Variants in INPP5F observed in about 807,000 individuals in gnomAD.
INPP5F encodes the protein phosphatidylinositide 4-phosphatase SAC2.
In INPP5F, 97 loss-of-function variants were observed where a neutral mutation model predicts 137.2. The observed-to-expected ratio is 0.71, with a 90% CI of 0.60 to 0.84. INPP5F has a LOEUF of 0.84. Ranked by LOEUF, INPP5F falls within the 40% of genes least tolerant of loss-of-function variation. INPP5F has a pLI of 0.00. For synonymous variants in INPP5F, 504 were observed against 476.9 expected, an observed-to-expected ratio of 1.06 and a Z score of -0.74; for missense variants, 1,271 against 1,371.9, an observed-to-expected ratio of 0.93 and a Z score of 1.16.
At chr10:119,742,998 G>GA (rs1564803083) in intron 1 of INPP5F, among the ~76,000 whole-genome samples, 2 of 151,992 alleles carry the variant, frequency 1.3e-5, no homozygotes, top group East Asian at 1.9e-4. Context: ...ATCTGGCTAA[G>GA]AAAAAAAGAA....
Position 119,827,185 on chromosome 10 carries a change from C to G in INPP5F, c.2804C>G (p.Ser935Cys). The change falls in exon 20 of 20, where the codon TCT becomes TGT. Residue 935 changes from serine to cysteine, a missense_variant. By Grantham distance (112) the Ser-to-Cys change is moderately radical (BLOSUM62 -1). Coordinates refer to ENST00000650623, the MANE Select transcript of INPP5F (RefSeq NM_014937.4). ...HGSGLGKGQE[S>C]PLKKSPSAGD... is the part of the protein sequence containing the mutation. ...AGTGGGCTTGGAAAAGGCCAGGAGT[C>G]TCCTTTGAAGAAAAGTCCTTCTGCT... 6.2e-7 allele frequency: 1 copy of G among 1,614,094 alleles called. No homozygotes were observed. Among genetic ancestry groups the G allele is most frequent in the Non-Finnish European group, 8.5e-7 (1 of 1,180,020 alleles).
chr10:119,750,574 A>T (rs141481383), intron 1 of INPP5F, among the ~76,000 whole-genome samples: 1 of 152,348 alleles, frequency 6.6e-6, no homozygotes, highest in African/African-American at 2.4e-5. Context: ...CTCAAACGGA[A>T]ACAGTTCCTA....
chr10:119,825,084 A>G (rs1851707885), intron 19 of INPP5F, among the ~76,000 whole-genome samples: 1 of 152,230 alleles, frequency 6.6e-6, no homozygotes, highest in African/African-American at 2.4e-5. Flanking sequence ...GAGAAAATCC[A>G]TGTCAGTGCA....
At chr10:119,743,659 C>CGG (rs71019711) in intron 1 of INPP5F, among the ~76,000 whole-genome samples, 5 of 31,858 alleles carry the variant, frequency 1.6e-4, no homozygotes, top group African/African-American at 8.9e-4. Flanking sequence ...GGGCGGGGGG[C>CGG]GGGGGGGGGG....
chr10:119,814,659 A>G lies in INPP5F; in HGVS notation c.1886+2704A>G, dbSNP rs528619493. 2.1e-4 allele frequency: 32 copies of G among 152,370 alleles called. No homozygotes were observed. The East Asian group carries it at 5.2e-3, about 25-fold the overall frequency. 9.4% of individuals were successfully genotyped at this position (152,370 alleles called of 1,614,324 possible). A position where few individuals can be genotyped will look rare whatever the true frequency, so the allele number is the denominator to read the frequency against. The stretch of plus-strand genomic sequence containing the variant: ...CAGTGCGTTATCAGGTTTTCAGCAC[A>G]TGGGGCTACCCCTAAAGATGACCCA... On this transcript the variant is annotated intron_variant, in intron 15 of 19. Transcript: ENST00000650623.
chr10:119,768,841 G>A (rs1484176760), intron 2 of INPP5F, among the ~76,000 whole-genome samples: 3 of 152,220 alleles, frequency 2.0e-5, no homozygotes, highest in Non-Finnish European at 2.9e-5. Flanking sequence ...AAACTGGAAA[G>A]TGTCCAAAAG....
At chr10:119,823,966 T>C (rs1343005773) in intron 19 of INPP5F, 64 bp downstream of exon 19, 22 of 1,251,270 alleles carry the variant, frequency 1.8e-5, no homozygotes, top group Non-Finnish European at 2.6e-5. Flanking sequence ...TGTTTAAAAT[T>C]ATTTGCAGGG....
chr10:119,765,896 G>T (rs1450450374), intron 2 of INPP5F, among the ~76,000 whole-genome samples: 9 of 138,962 alleles, frequency 6.5e-5, no homozygotes, highest in African/African-American at 2.5e-4. Context: ...GAGAGAGAGA[G>T]AGACGGAGAT....
chr10:119,826,655 C>G lies in INPP5F; in HGVS notation c.2274C>G (p.Asp758Glu), dbSNP rs1007564499. 2 of 1,593,842 alleles carry G rather than the reference C, an allele frequency of 1.3e-6. No homozygotes were observed. Among genetic ancestry groups the G allele is most frequent in the Admixed American group, 3.7e-5 (2 of 54,114 alleles). Residue 758 changes from aspartate to glutamate, a missense_variant, in exon 20 of 20, where the codon GAC (aspartate) becomes GAG (glutamate). Physicochemically the swap from Asp to Glu is conservative, Grantham distance 45. Coordinates refer to ENST00000650623, the MANE Select transcript of INPP5F (RefSeq NM_014937.4). Reference sequence around the variant, plus strand: ...GGAAGAGCAGTAAACCTCACGAAGACATCATTGGTATCAGGTCTCAAAACC... The same window carrying G: ...GGAAGAGCAGTAAACCTCACGAAGAGATCATTGGTATCAGGTCTCAAAACC... ...LERKSSKPHEDIIGIRSQNQG... is the reference protein window; with the variant it reads ...LERKSSKPHEEIIGIRSQNQG...
At position 119,810,164 on chromosome 10, in the gene INPP5F, C is replaced by T. The variant is rs1442796091; in HGVS notation, c.1634C>T (p.Ala545Val). ...GTTATGAAAGATGGAGTGAACTCAGCAAACAGATATTACCTCAACCGATTT... is the reference window on the plus strand; with the variant it reads ...GTTATGAAAGATGGAGTGAACTCAGTAAACAGATATTACCTCAACCGATTT... ...AGVMKDGVNS[A>V]NRYYLNRFKD... Residue 545 changes from alanine (A) to valine (V), a missense_variant, in exon 14 of 20, where the codon GCA becomes GTA. Coordinates refer to ENST00000650623, the MANE Select transcript of INPP5F (RefSeq NM_014937.4). 1.2e-6 allele frequency: 2 copies of T among 1,613,054 alleles called. No homozygotes were observed. The highest frequency in any genetic ancestry group is 1.7e-6 in the Non-Finnish European group (2 of 1,179,312).
Position 119,827,674 on chromosome 10 carries a change from C to A in INPP5F, c.3293C>A (p.Ser1098Ter). ...GLTHGINFAV[S>*]KVQKSPPEPE... ...ACCCATGGGATAAACTTTGCAGTGT[C>A]AAAAGTTCAGAAGAGTCCTCCAGAA... The change falls in exon 20 of 20, where the codon TCA becomes TAA. Residue 1098 changes from serine to a stop codon, truncating the protein, a stop_gained. Coordinates refer to ENST00000650623, the MANE Select transcript of INPP5F (RefSeq NM_014937.4). LOFTEE classifies it high-confidence loss of function. 1.2e-6 allele frequency: 2 copies of A among 1,613,990 alleles called. No individual in the cohort carries two copies. Among genetic ancestry groups the A allele is most frequent in the South Asian group, 2.2e-5 (2 of 91,058 alleles).
intron 19 of INPP5F, chr10:119,826,057 C>T (rs1851746232): frequency 1.5e-5 from 6 of 398,328 alleles, no homozygotes; most frequent in Non-Finnish European, 2.2e-5. Context: ...AAGTCTTACT[C>T]CTGTCTCCCC....
chr10:119,823,081 C>G lies in INPP5F; in HGVS notation c.2043C>G (p.Pro681=). The change falls in exon 18 of 20, where the codon CCC becomes CCG. Residue 681 remains proline (P), a synonymous_variant. Transcript: ENST00000650623. ...CATTTGGGATTTTAGGCCCTGAACC[C>G]ACTCTTTTTGGTAAGCCAAAGTTCT... The part of the protein sequence containing the change: ...NLEKIEIGPE[P]TLFGKPKFSC... 6.2e-7 allele frequency: 1 copy of G among 1,613,110 alleles called. No homozygotes were observed. The highest frequency in any genetic ancestry group is 1.1e-5 in the South Asian group (1 of 90,732).
At chr10:119,756,965 A>T (rs1298184825) in intron 2 of INPP5F, among the ~76,000 whole-genome samples, 1 of 151,728 alleles carries the variant, frequency 6.6e-6, no homozygotes, top group African/African-American at 2.4e-5. Context: ...CCTCTTCCTC[A>T]GACATTTGCA....
At chr10:119,810,239 C>A in intron 14 of INPP5F, 22 bp downstream of exon 14, 2 of 1,319,638 alleles carry the variant, frequency 1.5e-6, no homozygotes, top group South Asian at 1.2e-5. Context: ...AAAAGCTTTT[C>A]TTTCCTCAAA....
Position 119,726,075 on chromosome 10 carries a change from C to T in INPP5F, c.-188C>T, listed in dbSNP as rs531897338. 764 of 369,912 alleles carry T rather than the reference C, an allele frequency of 2.1e-3. 7 individuals are homozygous for T. Among genetic ancestry groups the T allele is most frequent in the African/African-American group, 0.014 (653 of 46,474 alleles). 22.9% of individuals were successfully genotyped at this position (369,912 alleles called of 1,614,324 possible). ...GAGAGGCCTCTACGGCCGCCGCTGC[C>T]GCCGCCGCTGCCGGGGCGCGTTCTC... On this transcript the variant is annotated 5_prime_UTR_variant, in exon 1 of 20. Coordinates refer to ENST00000650623, the MANE Select transcript of INPP5F (RefSeq NM_014937.4).
At chr10:119,737,414 A>G (rs72842244) in intron 1 of INPP5F, among the ~76,000 whole-genome samples, 8,402 of 152,308 alleles carry the variant, frequency 0.055, 310 homozygotes, top group Admixed American at 0.1. Context: ...CTGGCTGTAC[A>G]GTAGAATCAC....
intron 19 of INPP5F, 30 bp downstream of exon 19, chr10:119,823,932 G>T: frequency 6.7e-7 from 1 of 1,493,512 alleles, no homozygotes. Flanking sequence ...CAAGAATAAA[G>T]GCATTCTTAT....
At chr10:119,791,432 C>A in intron 3 of INPP5F, 85 bp from the exon 4 acceptor site, 1 of 1,027,052 alleles carries the variant, frequency 9.7e-7, no homozygotes, top group Non-Finnish European at 1.4e-6. Context: ...AATCAGAATG[C>A]CTGAGCAGTA....
Sources: allele counts gnomAD v4.1 joint callset (sites outside exome capture counted in the v4.1 genomes callset), GRCh38; gene constraint gnomAD v4.1.1; transcripts MANE v1.5; gene names NCBI Gene and HGNC (gene_info 2026-07-23, HGNC 2026-07-21).